The following ARHGEF40 variants were observed in gnomAD, a reference collection of about 807,000 sequenced individuals.
ARHGEF40 encodes Rho guanine nucleotide exchange factor (GEF) 40.
Under a neutral mutation model 165.9 loss-of-function variants are expected in ARHGEF40, and 98 were observed. The ratio of observed to expected loss-of-function variants is 0.59; its 90% CI spans 0.50 to 0.70. ARHGEF40 has a LOEUF of 0.70. Among genes scored for constraint, ARHGEF40 ranks in the 30% least tolerant of loss-of-function variants. The pLI, the probability that ARHGEF40 is intolerant of heterozygous loss-of-function variation, is 0.00. For missense variants in ARHGEF40, 1,815 were observed against 1,968.0 expected (o/e 0.92, Z 1.47); for synonymous variants, 792 against 814.3 (o/e 0.97, Z 0.47).
chr14:21,082,206 C>T, intron 14 of ARHGEF40, 38 bp from the exon 15 acceptor site: 2 of 1,585,296 alleles, frequency 1.3e-6, no homozygotes, highest in East Asian at 2.3e-5. Context: ...TACTGGCTCC[C>T]TCCCACACCT....
Position 21,084,885 on chromosome 14 carries a change from G to C in ARHGEF40, c.3922G>C (p.Gly1308Arg), listed in dbSNP as rs753539572. Reference protein sequence around the residue: ...LLFSKLKGPEGGSEMFVYKQA... With the variant: ...LLFSKLKGPERGSEMFVYKQA... ...GTTCAGCAAGCTCAAGGGCCCTGAA[G>C]GGGGGTCAGAGATGTTTGTTTACAA... is the stretch of plus-strand genomic sequence containing the variant. The change falls in exon 18 of 24, where the codon GGG becomes CGG. Residue 1308 changes from glycine (G) to arginine (R), a missense_variant. Coordinates refer to ENST00000298694, the MANE Select transcript of ARHGEF40 (RefSeq NM_018071.5). 6.2e-7 allele frequency: 1 copy of C among 1,614,126 alleles called. No individual in the cohort carries two copies.
Position 21,090,235 on chromosome 14 carries a change from T to C in ARHGEF40, c.*1227T>C, listed in dbSNP as rs987487137. 4.7e-6 allele frequency: 3 copies of C among 638,346 alleles called. No homozygotes were observed. Among genetic ancestry groups the C allele is most frequent in the Non-Finnish European group, 8.7e-6 (3 of 343,354 alleles). The allele number at this position is 638,346 out of a possible 1,614,324, so 39.5% of individuals were successfully genotyped here. ...TTGTACAAAAATAAACTCTCACGCC[T>C]ATGGACCAGCAAAGACTGGCAGAGT... On this transcript the variant is annotated 3_prime_UTR_variant, in exon 24 of 24. Transcript: ENST00000298694. This position sits in a 1 kb window ranked among gnomAD's most constrained non-coding sequence, Gnocchi z 4.4.
At position 21,070,686 on chromosome 14, in the gene ARHGEF40, T is replaced by C; in HGVS notation, c.3+287T>C. ...CCACACACCTCCCCGCTCCCCGCCC[T>C]CCTCTGTCCTGACCTGTGCCTTCCT... is the stretch of plus-strand genomic sequence containing the variant. On this transcript the variant is annotated intron_variant, in intron 1 of 23. Coordinates refer to ENST00000298694, the MANE Select transcript of ARHGEF40 (RefSeq NM_018071.5). The surrounding 1 kb of genome is among the most constrained non-coding windows in gnomAD (Gnocchi z 4.7). The C allele has an allele frequency of 1.0e-6, 1 of 966,320 alleles. No individual in the cohort carries two copies. Among genetic ancestry groups the C allele is most frequent in the Non-Finnish European group, 1.5e-6 (1 of 658,704 alleles). The allele number at this position is 966,320 out of a possible 1,614,324, so 59.9% of individuals were successfully genotyped here.
At position 21,076,607 on chromosome 14, in the gene ARHGEF40, T is replaced by G; in HGVS notation, c.1881T>G (p.Ile627Met). The G allele has an allele frequency of 6.2e-7, 1 of 1,614,228 alleles. No homozygotes were observed. The highest frequency in any genetic ancestry group is 1.3e-5 in the African/African-American group (1 of 75,048). ...PPLVQRLLIL[I>M]HDDLPTELCG... ...TTGTTCAGCGGCTGCTGATTCTCAT[T>G]CATGATGACCTTCCAACTGAACTCT... Residue 627 changes from isoleucine to methionine, a missense_variant, in exon 7 of 24, where the codon ATT (isoleucine) becomes ATG (methionine). Ile to Met is a conservative substitution (Grantham distance 10, BLOSUM62 1). Transcript: ENST00000298694.
rs1333920987 is a variant in ARHGEF40, at chr14:21,090,225, C to T, written c.*1217C>T. 8.1e-6 allele frequency: 5 copies of T among 615,604 alleles called. No individual in the cohort carries two copies. The highest frequency in any genetic ancestry group is 1.5e-5 in the Non-Finnish European group (5 of 328,950). The allele number at this position is 615,604 out of a possible 1,614,324, so 38.1% of individuals were successfully genotyped here. A position where few individuals can be genotyped will look rare whatever the true frequency, so the allele number is the denominator to read the frequency against. ...CCCTCACCCCTTGTACAAAAATAAA[C>T]TCTCACGCCTATGGACCAGCAAAGA... On this transcript the variant is annotated 3_prime_UTR_variant, in exon 24 of 24. Coordinates refer to ENST00000298694, the MANE Select transcript of ARHGEF40 (RefSeq NM_018071.5). This position sits in a 1 kb window ranked among gnomAD's most constrained non-coding sequence, Gnocchi z 4.4.
Position 21,070,392 on chromosome 14 carries a change from G to A in ARHGEF40, c.-5G>A, listed in dbSNP as rs1256410399. The stretch of plus-strand genomic sequence containing the variant: ...CAAGCGTCGGACGCGGCCCGGCGCC[G>A]AGCCATGGTGAGTCCAGCGTCGCAG... On this transcript the variant is annotated 5_prime_UTR_variant, in exon 1 of 24. Coordinates refer to ENST00000298694, the MANE Select transcript of ARHGEF40 (RefSeq NM_018071.5). The surrounding 1 kb of genome is among the most constrained non-coding windows in gnomAD (Gnocchi z 4.7). 9 of 1,409,814 alleles carry A rather than the reference G, an allele frequency of 6.4e-6. No individual in the cohort carries two copies. Among genetic ancestry groups the A allele is most frequent in the African/African-American group, 1.5e-5 (1 of 66,014 alleles). The allele number at this position is 1,409,814 out of a possible 1,614,324, so 87.3% of individuals were successfully genotyped here.
rs140691233 is a variant in ARHGEF40 at position 21,074,792 on chromosome 14, G to A, written c.1062G>A (p.Glu354=). 24 of 1,608,220 alleles carry A rather than the reference G, an allele frequency of 1.5e-5. No individual in the cohort carries two copies. The African/African-American group carries it at 2.7e-4, about 18-fold the overall frequency. ...GATCTTGCCCCCTGAGGCCAGGGGA[G>A]CTTAGAGGAGGAGGAGGAGGAGGCC... ...ASGSCPLRPG[E]LRGGGGGGQG... Residue 354 remains glutamate, a synonymous_variant, in exon 3 of 24, where the codon GAG becomes GAA. Coordinates refer to ENST00000298694, the MANE Select transcript of ARHGEF40 (RefSeq NM_018071.5). The surrounding 1 kb of genome is among the most constrained non-coding windows in gnomAD (Gnocchi z 4.8).
chr14:21,077,399 A>G (rs1739966835), intron 8 of ARHGEF40, among the ~76,000 whole-genome samples: 2 of 150,548 alleles, frequency 1.3e-5, no homozygotes, highest in Non-Finnish European at 2.9e-5. Flanking sequence ...GATTACAGGC[A>G]TGAGTGACTA....
the ARHGEF40 span, among the ~76,000 whole-genome samples, chr14:21,065,211 C>T: frequency 6.6e-6 from 1 of 151,882 alleles, no homozygotes; most frequent in East Asian, 1.9e-4. Flanking sequence ...AAATTCTGTC[C>T]TGCATGCCTT....
chr14:21,081,592 G>A lies in ARHGEF40; in HGVS notation c.2724G>A (p.Leu908=). The part of the protein sequence containing the change: ...GREAVLAALA[L]RRAPEPSAGT... ...AGGCTGTGCTGGCTGCACTGGCCCT[G>A]CGGCGGGCCCCAGAGCCCAGTGCCG... Residue 908 remains leucine, a synonymous_variant, in exon 14 of 24, where the codon CTG becomes CTA. Coordinates refer to ENST00000298694, the MANE Select transcript of ARHGEF40 (RefSeq NM_018071.5). The A allele has an allele frequency of 6.2e-7, 1 of 1,611,828 alleles. No homozygotes were observed. The highest frequency in any genetic ancestry group is 8.5e-7 in the Non-Finnish European group (1 of 1,179,516).
In ARHGEF40 at chr14:21,074,192, C is replaced by T. The variant is rs1165776992; in HGVS notation, c.462C>T (p.Asn154=). 3 of 1,614,042 alleles carry T rather than the reference C, an allele frequency of 1.9e-6. No individual in the cohort carries two copies. Among genetic ancestry groups the T allele is most frequent in the Non-Finnish European group, 2.5e-6 (3 of 1,180,048 alleles). The change falls in exon 3 of 24, where the codon AAC becomes AAT. Residue 154 remains asparagine, a synonymous_variant. Transcript: ENST00000298694. The surrounding 1 kb of genome is among the most constrained non-coding windows in gnomAD (Gnocchi z 4.8). ...LFTPEWLQGI[N]KDRPTGRLST... ...CACCTGAGTGGCTACAAGGCATCAA[C>T]AAGGACCGGCCAACAGGTCGCCTCA...
Position 21,078,170 on chromosome 14 carries a change from G to A in ARHGEF40, c.2035-7G>A. ...TCCTCAACTCCATCCCTGCATGTGG[G>A]TTTCAGGAAGTGGTAAGGCTATGTC... On this transcript the variant is annotated splice_polypyrimidine_tract_variant and splice_region_variant and intron_variant, in intron 8 of 23. Coordinates refer to ENST00000298694, the MANE Select transcript of ARHGEF40 (RefSeq NM_018071.5). 1 of 1,609,532 alleles carries A rather than the reference G, an allele frequency of 6.2e-7. No homozygotes were observed.
intron 1 of ARHGEF40, among the ~76,000 whole-genome samples, chr14:21,071,885 C>T (rs1489435428): frequency 6.6e-6 from 1 of 152,196 alleles, no homozygotes; most frequent in African/African-American, 2.4e-5. Context: ...CTGAATGTCC[C>T]GTCTCTGGAG....
Position 21,072,832 on chromosome 14 carries a change from G to A in ARHGEF40, c.4-213G>A, listed in dbSNP as rs928119512. 2.0e-5 allele frequency among the ~76,000 whole-genome samples: 3 copies of A among 152,204 alleles called. No individual in the cohort carries two copies. The highest frequency in any genetic ancestry group is 7.2e-5 in the African/African-American group (3 of 41,442). ...ATCTCCAAAGCCAAGGTCTCAGAGC[G>A]GGAGTGTTGAGCGCCCTGCCAGGTT... is the stretch of plus-strand genomic sequence containing the variant. On this transcript the variant is annotated intron_variant, in intron 1 of 23. Transcript: ENST00000298694. This position sits in a 1 kb window ranked among gnomAD's most constrained non-coding sequence, Gnocchi z 4.1.
chr14:21,063,578 G>A, the ARHGEF40 span, among the ~76,000 whole-genome samples: 3 of 152,252 alleles, frequency 2.0e-5, no homozygotes, highest in East Asian at 1.9e-4. Flanking sequence ...AGTTTTATCC[G>A]CTGCTTGGCA....
chr14:21,074,570 G>A lies in ARHGEF40; in HGVS notation c.840G>A (p.Lys280=), dbSNP rs1427109456. The change falls in exon 3 of 24, where the codon AAG becomes AAA. Residue 280 remains lysine (K), a synonymous_variant. Coordinates refer to ENST00000298694, the MANE Select transcript of ARHGEF40 (RefSeq NM_018071.5). This position sits in a 1 kb window ranked among gnomAD's most constrained non-coding sequence, Gnocchi z 4.8. ...CCACCCGCAAGGGCGCTGGAGGGAA[G>A]GGCCGCCACCGGAGACACCGGGCGT... ...TVPTRKGAGG[K]GRHRRHRAWM... The A allele has an allele frequency of 3.9e-6, 6 of 1,555,076 alleles. No homozygotes were observed. The highest frequency in any genetic ancestry group is 5.2e-6 in the Non-Finnish European group (6 of 1,150,564).
intron 16 of ARHGEF40, 42 bp from the exon 17 acceptor site, chr14:21,083,793 G>T (rs1483528102): frequency 6.3e-7 from 1 of 1,582,256 alleles, no homozygotes; most frequent in Admixed American, 1.7e-5. Flanking sequence ...GCCCCCAGAG[G>T]CTCCACCCCT....
rs150122524 is a variant in ARHGEF40 at position 21,086,474 on chromosome 14, G to C, written c.4139-527G>C. The C allele has an allele frequency of 3.4e-3, 526 of 153,350 alleles. 1 individual carries two copies. The highest frequency in any genetic ancestry group is 0.011 in the African/African-American group (475 of 41,530). The allele number at this position is 153,350 out of a possible 1,614,324, so 9.5% of individuals were successfully genotyped here. On this transcript the variant is annotated intron_variant, in intron 19 of 23. Coordinates refer to ENST00000298694, the MANE Select transcript of ARHGEF40 (RefSeq NM_018071.5). ...GATTTAAGAACTGCTGCTACTTGCT[G>C]TGTGACCTGGACTAGTTTTTTGTTT...
At chr14:21,065,561 GA>G (rs2139169440), upstream of ARHGEF40, among the ~76,000 whole-genome samples, 1 of 152,260 alleles carries the variant, frequency 6.6e-6, no homozygotes, top group South Asian at 2.1e-4. Context: ...AATCAATAGA[GA>G]AAAATGCTAT....
Sources: gnomAD v4.1 joint callset for allele counts (sites outside exome capture counted in the v4.1 genomes callset) on GRCh38, gnomAD v4.1.1 for gene constraint, Gnocchi (gnomAD v3.1) non-coding constraint, MANE v1.5 for transcripts, NCBI Gene and HGNC (gene_info 2026-07-23, HGNC 2026-07-21) for gene names.